RTN3: variants seen among roughly 807,000 people sequenced by gnomAD.
The protein encoded by RTN3 is reticulon-3.
A neutral mutation model predicts 77.8 loss-of-function variants in RTN3; 49 were observed. That is an observed-to-expected ratio of 0.63 (90% CI 0.50 to 0.80). The LOEUF (loss-of-function observed/expected upper bound fraction) is 0.80. RTN3 is among the 30% of genes least tolerant of loss of function. RTN3 has a pLI of 0.00. For missense variants in RTN3, 1,236 were observed against 1,211.9 expected (o/e 1.02, Z -0.29); for synonymous variants, 464 against 446.9 (o/e 1.04, Z -0.48).
intron 3 of RTN3, among the ~76,000 whole-genome samples, chr11:63,734,904 C>G (rs1415613977): frequency 6.6e-6 from 1 of 152,050 alleles, no homozygotes; most frequent in Non-Finnish European, 1.5e-5. Flanking sequence ...CATAGAAAAT[C>G]CTAAGAAATC....
intron 3 of RTN3, among the ~76,000 whole-genome samples, chr11:63,735,598 C>CTCTT (rs1251025113): frequency 7.4e-5 from 11 of 147,766 alleles, no homozygotes; most frequent in South Asian, 2.2e-4. Flanking sequence ...CTCTCTCTCT[C>CTCTT]TCTTTCTTTC....
intron 1 of RTN3, among the ~76,000 whole-genome samples, chr11:63,699,553 A>G (rs1460554167): frequency 1.3e-5 from 2 of 152,076 alleles, no homozygotes; most frequent in African/African-American, 4.8e-5. Flanking sequence ...TCTTTCTAAA[A>G]CACGTGATAT....
chr11:63,687,380 G>T (rs1941428345), intron 1 of RTN3, among the ~76,000 whole-genome samples: 1 of 152,208 alleles, frequency 6.6e-6, no homozygotes, highest in South Asian at 2.1e-4. Context: ...ACTTTGGGAG[G>T]CCAAGGCGGG....
chr11:63,716,968 C>CA (rs752428943), intron 2 of RTN3, among the ~76,000 whole-genome samples: 2,861 of 26,758 alleles, frequency 0.11, 125 homozygotes, highest in African/African-American at 0.24. Context: ...GACTCCGTCT[C>CA]AAAAAAAAAA....
chr11:63,683,201 G>T (rs1941159277), intron 1 of RTN3, among the ~76,000 whole-genome samples: 1 of 152,202 alleles, frequency 6.6e-6, no homozygotes, highest in Non-Finnish European at 1.5e-5. Flanking sequence ...AGCTTTTGCA[G>T]ATAAAAGAAT....
chr11:63,693,583 A>G lies in RTN3; in HGVS notation c.143-11268A>G, dbSNP rs559133440. ...AAGAACATTTGGTTTTTGAAAGTCA[A>G]ATTGTAAACTTTGTTACATGCTTAT... On this transcript the variant is annotated intron_variant, in intron 1 of 8. Transcript: ENST00000377819. Among the ~76,000 whole-genome samples the G allele has an allele frequency of 6.6e-5, 10 of 152,376 alleles. No homozygotes were observed. The South Asian group carries it at 1.9e-3, about 28-fold the overall frequency.
chr11:63,729,284 G>T (rs1361983792), intron 3 of RTN3, among the ~76,000 whole-genome samples: 1 of 151,904 alleles, frequency 6.6e-6, no homozygotes, highest in Non-Finnish European at 1.5e-5. Flanking sequence ...AATATGAAAG[G>T]CTTATTTTTT....
In RTN3 at chr11:63,752,481, A is replaced by G. The variant is rs776569028; in HGVS notation, c.2739-26A>G. On this transcript the variant is annotated intron_variant, in intron 4 of 8. Coordinates refer to ENST00000377819, the MANE Select transcript of RTN3 (RefSeq NM_001265589.2). ...CAAAATCTTCTTCCATGTCAAATGTATGACTGTTATTTCTTCTTCTGGAAG... is the reference window on the plus strand; with the variant it reads ...CAAAATCTTCTTCCATGTCAAATGTGTGACTGTTATTTCTTCTTCTGGAAG... The G allele has an allele frequency of 3.1e-6, 5 of 1,606,200 alleles. No homozygotes were observed. In the South Asian group the frequency reaches 5.5e-5, roughly 18 times the overall value.
rs1283962170 is a variant in RTN3, at chr11:63,713,219, A to G, written c.200-5483A>G. 3.3e-5 allele frequency among the ~76,000 whole-genome samples: 5 copies of G among 152,358 alleles called. No individual in the cohort carries two copies. The South Asian group carries it at 1.0e-3, about 32-fold the overall frequency. ...CTCAGTGGAGTATTTAGAGTTTAAG[A>G]AGATGAGTAATCATGGAGCTGAGTA... On this transcript the variant is annotated intron_variant, in intron 2 of 8. Transcript: ENST00000377819.
At chr11:63,750,450 A>G (rs1248318946) in intron 4 of RTN3, 2 of 454,420 alleles carry the variant, frequency 4.4e-6, no homozygotes, top group Non-Finnish European at 7.8e-6. Context: ...AGAAGACTCT[A>G]AATTCTTTTT....
At chr11:63,685,597 C>T (rs1001746346) in intron 1 of RTN3, among the ~76,000 whole-genome samples, 9 of 151,640 alleles carry the variant, frequency 5.9e-5, no homozygotes, top group Non-Finnish European at 1.0e-4. Flanking sequence ...GGAAGTGTCT[C>T]AGGCTTTTGC....
intron 2 of RTN3, among the ~76,000 whole-genome samples, chr11:63,712,822 G>A (rs1243597943): frequency 2.6e-5 from 4 of 152,082 alleles, no homozygotes; most frequent in Admixed American, 6.6e-5. Flanking sequence ...TTGGCCGGGC[G>A]CAATGGCTCA....
Position 63,719,658 on chromosome 11 carries a change from A to C in RTN3, c.1156A>C (p.Lys386Gln). 1 of 1,614,080 alleles carries C rather than the reference A, an allele frequency of 6.2e-7. No individual in the cohort carries two copies. The highest frequency in any genetic ancestry group is 8.5e-7 in the Non-Finnish European group (1 of 1,180,012). The change falls in exon 3 of 9, where the codon AAA (lysine) becomes CAA (glutamine). Residue 386 changes from lysine to glutamine, a missense_variant. By Grantham distance (53) the Lys-to-Gln change is moderately conservative. Around this residue, in one of 3 missense-constraint regions of RTN3, gnomAD observed 1,056 missense variants for 990.4 expected, o/e 1.07. Transcript: ENST00000377819. ...AAATCTTAAAACTAGCACTCATCAG[A>C]AAACTCCTGTATGTTCTATTGATGG... Reference protein sequence around the residue: ...VVNLKTSTHQKTPVCSIDGST... With the variant: ...VVNLKTSTHQQTPVCSIDGST...
rs373687328 is a variant in RTN3, at chr11:63,706,348, C to T, written c.199+1441C>T. On this transcript the variant is annotated intron_variant, in intron 2 of 8. Transcript: ENST00000377819. ...GGGACTACAGGCACATGCCACCATG[C>T]CCTGCTAATTTTTTAATTTTTATTT... 2.6e-5 allele frequency among the ~76,000 whole-genome samples: 4 copies of T among 152,242 alleles called. No individual in the cohort carries two copies. The East Asian group carries it at 7.7e-4, about 29-fold the overall frequency.
intron 1 of RTN3, among the ~76,000 whole-genome samples, chr11:63,703,151 G>A (rs952182472): frequency 5.3e-5 from 8 of 152,122 alleles, no homozygotes; most frequent in African/African-American, 1.7e-4. Flanking sequence ...ACAATACAGT[G>A]TAACAACTAT....
chr11:63,699,908 C>T (rs892867123), intron 1 of RTN3, among the ~76,000 whole-genome samples: 4 of 152,178 alleles, frequency 2.6e-5, no homozygotes, highest in Non-Finnish European at 5.9e-5. Context: ...TCATTAATGG[C>T]ATTTGAGGAT....
intron 1 of RTN3, among the ~76,000 whole-genome samples, chr11:63,694,180 T>G (rs999213810): frequency 4.9e-5 from 7 of 144,142 alleles, no homozygotes; most frequent in Admixed American, 7.0e-5. Context: ...TTAATTATGG[T>G]TTTTTTTTTT....
intron 2 of RTN3, among the ~76,000 whole-genome samples, chr11:63,712,611 G>C (rs1024220460): frequency 6.6e-6 from 1 of 150,482 alleles, no homozygotes; most frequent in Non-Finnish European, 1.5e-5. Flanking sequence ...TCAGTCTCCC[G>C]AGTAGCTGGG....
At chr11:63,688,873 A>G (rs1247201760) in intron 1 of RTN3, among the ~76,000 whole-genome samples, 1 of 152,178 alleles carries the variant, frequency 6.6e-6, no homozygotes, top group Admixed American at 6.6e-5. Context: ...CGTCTGGTTG[A>G]AGGGAAAAGG....
Sources: allele counts gnomAD v4.1 joint callset (sites outside exome capture counted in the v4.1 genomes callset), GRCh38; gene constraint gnomAD v4.1.1; regional missense constraint gnomAD v4.1.1; transcripts MANE v1.5; gene names NCBI Gene and HGNC (gene_info 2026-07-23, HGNC 2026-07-21).